The following PCM1 variants were observed in gnomAD, a reference collection of about 807,000 sequenced individuals.
PCM1 encodes the protein pericentriolar material 1.
PCM1 carries 157 observed loss-of-function variants against 241.9 expected under a neutral mutation model. The ratio of observed to expected loss-of-function variants is 0.65; its 90% CI spans 0.57 to 0.74. The LOEUF (loss-of-function observed/expected upper bound fraction) is 0.74. Among genes scored for constraint, PCM1 ranks in the 30% least tolerant of loss-of-function variants. PCM1 has a pLI of 0.00. For synonymous variants in PCM1, 1,085 were observed against 784.9 expected (o/e 1.38, Z -6.39); for missense variants, 3,478 against 2,360.1 (o/e 1.47, Z -9.81).
intron 2 of PCM1, chr8:17,926,633 T>A (rs1327282407): frequency 6.6e-6 from 1 of 152,102 alleles, no homozygotes; most frequent in Non-Finnish European, 1.5e-5. Context: ...CAGAATTGAG[T>A]CGACACAGTA....
chr8:17,927,802 G>C (rs971338904), intron 2 of PCM1: 1 of 148,910 alleles, frequency 6.7e-6, no homozygotes, highest in African/African-American at 2.5e-5. Flanking sequence ...GCCCGCCTCA[G>C]CTTCCCTAAG....
chr8:18,018,859 T>TACACAC (rs1236484123), intron 36 of PCM1, among the ~76,000 whole-genome samples: 1 of 45,978 alleles, frequency 2.2e-5, no homozygotes, highest in Non-Finnish European at 5.4e-5. Flanking sequence ...TGTGTATATA[T>TACACAC]ATATATATAT....
chr8:17,925,400 C>T (rs1022600102), intron 2 of PCM1: 3 of 152,066 alleles, frequency 2.0e-5, no homozygotes, highest in African/African-American at 7.2e-5. Context: ...TTGCAAAGGG[C>T]AGTTTGGAAA....
chr8:18,005,581 C>T (rs147603945), intron 29 of PCM1, among the ~76,000 whole-genome samples: 200 of 152,220 alleles, frequency 1.3e-3, no homozygotes, highest in African/African-American at 4.5e-3. Context: ...TTTATGGACT[C>T]AACCTCAGAA....
chr8:17,980,048 CA>C (rs1304059538), intron 23 of PCM1, among the ~76,000 whole-genome samples: 2 of 150,052 alleles, frequency 1.3e-5, no homozygotes, highest in Admixed American at 1.3e-4. Context: ...GCCACCTATC[CA>C]TGTGGAACAA....
At chr8:17,939,243 A>G (rs749266330) in intron 5 of PCM1, among the ~76,000 whole-genome samples, 1 of 152,216 alleles carries the variant, frequency 6.6e-6, no homozygotes, top group Non-Finnish European at 1.5e-5. Flanking sequence ...GTTTATTTAC[A>G]AAATAGCATA....
intron 29 of PCM1, among the ~76,000 whole-genome samples, chr8:18,003,767 A>G (rs1412606978): frequency 6.6e-6 from 1 of 152,130 alleles, no homozygotes; most frequent in Non-Finnish European, 1.5e-5. Context: ...ATATATGTAT[A>G]TATTTACCTT....
chr8:17,949,559 G>A (rs906852652), intron 7 of PCM1, among the ~76,000 whole-genome samples: 2 of 143,912 alleles, frequency 1.4e-5, no homozygotes, highest in South Asian at 2.2e-4. Flanking sequence ...TACAGTGGGC[G>A]TGATCTTGGC....
intron 21 of PCM1, 36 bp downstream of exon 21, chr8:17,967,206 GC>G: frequency 2.0e-6 from 3 of 1,469,284 alleles, no homozygotes; most frequent in Non-Finnish European, 2.8e-6. Context: ...ATAAATAAAA[GC>G]AAAGTGTTTG....
intron 22 of PCM1, among the ~76,000 whole-genome samples, chr8:17,971,416 A>G (rs992451130): frequency 2.6e-5 from 4 of 152,198 alleles, no homozygotes; most frequent in African/African-American, 4.8e-5. Context: ...AAGTTGTGAG[A>G]TATTTTACAG....
chr8:17,968,141 T>A (rs1021396242), intron 21 of PCM1, among the ~76,000 whole-genome samples: 1 of 151,992 alleles, frequency 6.6e-6, no homozygotes, highest in Non-Finnish European at 1.5e-5. Context: ...GGCTTTCTAA[T>A]AGAACCACTT....
intron 28 of PCM1, among the ~76,000 whole-genome samples, chr8:17,992,904 A>G (rs1307875487): frequency 6.8e-6 from 1 of 146,360 alleles, no homozygotes; most frequent in Non-Finnish European, 1.5e-5. Context: ...ACTGTGAGAC[A>G]CCACACTTGG....
chr8:18,022,259 C>T (rs544426572), intron 36 of PCM1, among the ~76,000 whole-genome samples: 1 of 152,242 alleles, frequency 6.6e-6, no homozygotes, highest in Admixed American at 6.5e-5. Context: ...CAACTTACCA[C>T]CACAATGAAA....
At chr8:17,982,812 A>T (rs578178979) in intron 24 of PCM1, among the ~76,000 whole-genome samples, 1 of 152,190 alleles carries the variant, frequency 6.6e-6, no homozygotes, top group Non-Finnish European at 1.5e-5. Flanking sequence ...ATTTATTTTT[A>T]GTTTTAATCA....
intron 17 of PCM1, among the ~76,000 whole-genome samples, chr8:17,964,040 G>A (rs1264640382): frequency 6.6e-6 from 1 of 152,148 alleles, no homozygotes; most frequent in African/African-American, 2.4e-5. Context: ...GTTTTGATGA[G>A]CATCTGGTTT....
chr8:17,951,801 A>G (rs1479813467), intron 8 of PCM1, among the ~76,000 whole-genome samples: 1 of 152,198 alleles, frequency 6.6e-6, no homozygotes, highest in Non-Finnish European at 1.5e-5. Context: ...CTGTAATGTT[A>G]TATTTTTCTT....
At chr8:18,006,461 G>GT in intron 30 of PCM1, 64 bp downstream of exon 30, 1 of 1,090,758 alleles carries the variant, frequency 9.2e-7, no homozygotes, top group Non-Finnish European at 1.4e-6. Context: ...TTTTCGGGGG[G>GT]TGGGTGAGGC....
At chr8:17,943,228 T>A (rs2062751942) in intron 6 of PCM1, among the ~76,000 whole-genome samples, 1 of 150,610 alleles carries the variant, frequency 6.6e-6, no homozygotes, top group Admixed American at 6.6e-5. Context: ...ATGGTAAAAC[T>A]TCACCTCTAG....
In PCM1 at chr8:17,933,768, G is replaced by A. The variant is rs1037679769; in HGVS notation, c.-22-1821G>A. Among the ~76,000 whole-genome samples, 50 of 151,854 alleles carry A rather than the reference G, an allele frequency of 3.3e-4. 1 individual carries two copies. The highest frequency in any genetic ancestry group is 1.3e-4 in the Non-Finnish European group (9 of 67,964). Reference sequence around the variant, plus strand: ...AAGAATACCACCTTTTCTCTTTTCAGTGGTAATATTTCTGTTTCATATTTG... The same window carrying A: ...AAGAATACCACCTTTTCTCTTTTCAATGGTAATATTTCTGTTTCATATTTG... On this transcript the variant is annotated intron_variant, in intron 2 of 38. Transcript: ENST00000325083.
Sources: allele counts gnomAD v4.1 joint callset (sites outside exome capture counted in the v4.1 genomes callset), GRCh38; gene constraint gnomAD v4.1.1; transcripts MANE v1.5; gene names NCBI Gene and HGNC (gene_info 2026-07-23, HGNC 2026-07-21).